Variants in FOCAD observed in about 807,000 individuals in gnomAD.
FOCAD encodes KIAA1797.
Under a neutral mutation model 225.6 loss-of-function variants are expected in FOCAD, and 198 were observed. The ratio of observed to expected loss-of-function variants is 0.88; its 90% CI spans 0.78 to 0.99. The LOEUF is 0.99. Ranked by LOEUF, FOCAD falls within the 50% of genes least tolerant of loss-of-function variation. The probability of loss-of-function intolerance (pLI) is 0.00; values close to 1 mark genes in which losing one functional copy is unlikely to be tolerated. For synonymous variants in FOCAD, 897 were observed against 755.0 expected (o/e 1.19, Z -3.08); for missense variants, 2,713 against 2,123.6 (o/e 1.28, Z -5.46).
intron 35 of FOCAD, among the ~76,000 whole-genome samples, chr9:20,962,343 G>A (rs1398480490): frequency 6.6e-6 from 1 of 151,808 alleles, no homozygotes. Context: ...GAACAGATTG[G>A]CATGTAATAG....
chr9:20,827,042 A>T (rs1824969326), intron 15 of FOCAD, among the ~76,000 whole-genome samples: 1 of 152,102 alleles, frequency 6.6e-6, no homozygotes, highest in African/African-American at 2.4e-5. Context: ...AATTTTATTG[A>T]GATATAATTC....
rs1198584442 is a variant in FOCAD, at chr9:20,865,948, G to C, written c.2078G>C (p.Ser693Thr). The C allele has an allele frequency of 6.2e-7, 1 of 1,608,888 alleles. No homozygotes were observed. The highest frequency in any genetic ancestry group is 1.1e-5 in the South Asian group (1 of 90,016). Residue 693 changes from serine (S) to threonine (T), a missense_variant, in exon 17 of 44, where the codon AGC becomes ACC. Coordinates refer to ENST00000338382, the MANE Select transcript of FOCAD (RefSeq NM_001375567.1). ...EYENFKVQVL[S>T]FLWTHTQNKD... ...CAGAATTTTAAAGTTCAAGTCCTCA[G>C]CTTCCTCTGGACTCATACTCAAAAC...
chr9:20,860,535 T>C (rs1587426608), intron 15 of FOCAD, among the ~76,000 whole-genome samples: 1 of 152,198 alleles, frequency 6.6e-6, no homozygotes, highest in African/African-American at 2.4e-5. Context: ...TGTTTTGTTT[T>C]TGTTGTTGTT....
intron 18 of FOCAD, among the ~76,000 whole-genome samples, chr9:20,869,339 T>TA (rs555461553): frequency 3.9e-5 from 6 of 152,208 alleles, no homozygotes; most frequent in Non-Finnish European, 7.4e-5. Context: ...CAAGTAGAGC[T>TA]AAAAAATATA....
chr9:20,816,787 G>A (rs902493206), intron 11 of FOCAD, among the ~76,000 whole-genome samples: 4 of 151,200 alleles, frequency 2.6e-5, no homozygotes, highest in Admixed American at 6.6e-5. Flanking sequence ...GCATATTTGG[G>A]GAAGAAAATA....
chr9:20,918,624 T>C (rs1275505963), intron 24 of FOCAD, among the ~76,000 whole-genome samples: 1 of 151,186 alleles, frequency 6.6e-6, no homozygotes, highest in African/African-American at 2.4e-5. Flanking sequence ...CTTGGGAGGC[T>C]GAGGCAGGAG....
At chr9:20,884,007 A>T (rs1468340706) in intron 20 of FOCAD, among the ~76,000 whole-genome samples, 1 of 152,178 alleles carries the variant, frequency 6.6e-6, no homozygotes, top group East Asian at 1.9e-4. Context: ...AGGGAGAGTG[A>T]GTGTATGTGA....
rs1393332815 is a variant in FOCAD, at chr9:20,731,755, C to G, written c.288-8481C>G. On this transcript the variant is annotated intron_variant, in intron 4 of 43. Coordinates refer to ENST00000338382, the MANE Select transcript of FOCAD (RefSeq NM_001375567.1). The stretch of plus-strand genomic sequence containing the variant: ...GCCTCAGCCTCCCAAGTTGCCGGGA[C>G]TACAGACATGTGCCACCACCCCCAG... Among the ~76,000 whole-genome samples the G allele has an allele frequency of 2.0e-5, 3 of 152,022 alleles. No homozygotes were observed. The East Asian group carries it at 5.8e-4, about 29-fold the overall frequency.
At chr9:20,891,487 G>A (rs981050253) in intron 21 of FOCAD, among the ~76,000 whole-genome samples, 2 of 152,180 alleles carry the variant, frequency 1.3e-5, no homozygotes, top group Admixed American at 1.3e-4. Flanking sequence ...GAACACATGA[G>A]TGATAAGAAA....
chr9:20,819,877 T>G lies in FOCAD; in HGVS notation c.1537T>G (p.Leu513Val). 6.5e-7 allele frequency: 1 copy of G among 1,542,892 alleles called. No individual in the cohort carries two copies. The highest frequency in any genetic ancestry group is 1.3e-5 in the South Asian group (1 of 77,010). ...PILYNDILYTLPKLGVHKVCI... is the reference protein window; with the variant it reads ...PILYNDILYTVPKLGVHKVCI... ...ATTATATAATGATATATTGTATACT[T>G]TACCTAAGCTTGGTGTTCACAAGGT... The change falls in exon 12 of 44, where the codon TTA (leucine) becomes GTA (valine). Residue 513 changes from leucine to valine, a missense_variant. By Grantham distance (32) the Leu-to-Val change is conservative. Coordinates refer to ENST00000338382, the MANE Select transcript of FOCAD (RefSeq NM_001375567.1).
chr9:20,793,016 A>G (rs1820694103), intron 11 of FOCAD, among the ~76,000 whole-genome samples: 1 of 152,198 alleles, frequency 6.6e-6, no homozygotes, highest in Non-Finnish European at 1.5e-5. Context: ...GAGTCTTTGG[A>G]CACTTTGTAC....
At chr9:20,672,328 A>G (rs189288699) in intron 2 of FOCAD, among the ~76,000 whole-genome samples, 57 of 152,338 alleles carry the variant, frequency 3.7e-4, no homozygotes, top group African/African-American at 1.3e-3. Context: ...TTTCAAAGCT[A>G]TGGGAGCTGG....
At chr9:20,911,744 A>C (rs1254714439) in intron 22 of FOCAD, among the ~76,000 whole-genome samples, 2 of 152,184 alleles carry the variant, frequency 1.3e-5, no homozygotes, top group Admixed American at 1.3e-4. Flanking sequence ...GTAGGTGTAA[A>C]TGGCATTAGG....
intron 21 of FOCAD, among the ~76,000 whole-genome samples, chr9:20,899,999 T>G (rs1424813164): frequency 6.6e-6 from 1 of 151,892 alleles, no homozygotes; most frequent in Non-Finnish European, 1.5e-5. Context: ...GTGCTAGGGC[T>G]TCTCCAAGCT....
intron 4 of FOCAD, among the ~76,000 whole-genome samples, chr9:20,722,237 G>A (rs550326154): frequency 2.6e-5 from 4 of 151,438 alleles, no homozygotes; most frequent in Admixed American, 6.6e-5. Flanking sequence ...GCAGTCTGTG[G>A]TTGCAAAAGG....
At chr9:20,804,625 C>G (rs1822211331) in intron 11 of FOCAD, among the ~76,000 whole-genome samples, 1 of 152,120 alleles carries the variant, frequency 6.6e-6, no homozygotes, top group Non-Finnish European at 1.5e-5. Flanking sequence ...TGTTATTACA[C>G]TGTGTGTGAA....
intron 33 of FOCAD, 92 bp from the exon 34 acceptor site, chr9:20,950,904 C>T (rs1384335559): frequency 2.8e-6 from 3 of 1,079,548 alleles, no homozygotes; most frequent in Admixed American, 1.7e-5. Flanking sequence ...GCCACCACCT[C>T]CTAAATGACT....
chr9:20,752,107 T>C (rs1346522511), intron 5 of FOCAD, among the ~76,000 whole-genome samples: 1 of 147,092 alleles, frequency 6.8e-6, no homozygotes, highest in Non-Finnish European at 1.5e-5. Context: ...ATTTTGTAGG[T>C]TGCCTGTTCA....
At chr9:20,947,043 A>G (rs1837251195) in intron 30 of FOCAD, among the ~76,000 whole-genome samples, 1 of 152,092 alleles carries the variant, frequency 6.6e-6, no homozygotes, top group Non-Finnish European at 1.5e-5. Flanking sequence ...TTTCTTTGAG[A>G]GAGTATTGAT....
Sources: gnomAD v4.1 joint callset for allele counts (sites outside exome capture counted in the v4.1 genomes callset) on GRCh38, gnomAD v4.1.1 for gene constraint, MANE v1.5 for transcripts, NCBI Gene and HGNC (gene_info 2026-07-23, HGNC 2026-07-21) for gene names.